SORCS3: variants seen among roughly 807,000 people sequenced by gnomAD.
SORCS3 encodes VPS10 domain-containing receptor SorCS3.
A neutral mutation model predicts 146.3 loss-of-function variants in SORCS3; 57 were observed. The observed-to-expected ratio is 0.39, with a 90% CI of 0.31 to 0.49. SORCS3 has a LOEUF of 0.49. SORCS3 is among the 20% of genes least tolerant of loss of function. The pLI is 0.92. For missense variants in SORCS3, 1,341 were observed against 1,575.5 expected (o/e 0.85, Z 2.52); for synonymous variants, 653 against 618.5 (o/e 1.06, Z -0.83).
rs1250616500 is a variant in SORCS3 at position 104,794,601 on chromosome 10, G to A, written c.628-48191G>A. 1.2e-4 allele frequency among the ~76,000 whole-genome samples: 17 copies of A among 142,056 alleles called. 1 individual carries two copies. In the Admixed American group the frequency reaches 1.3e-3, roughly 10 times the overall value. The allele number at this position is 142,056 out of a possible 152,430, so 93.2% of individuals were successfully genotyped here. ...CAAGGTAGATAGGGTGTGTGTGTGT[G>A]TGTGAGAGAGAGAGAGGGAGGGAGA... is the stretch of plus-strand genomic sequence containing the variant. On this transcript the variant is annotated intron_variant, in intron 1 of 26. Transcript: ENST00000369701.
chr10:105,103,785 A>G (rs991580594), intron 6 of SORCS3, among the ~76,000 whole-genome samples: 1 of 152,220 alleles, frequency 6.6e-6, no homozygotes, highest in African/African-American at 2.4e-5. Context: ...CATTCAAGAA[A>G]TAGTTATATA....
chr10:104,823,247 C>T (rs1004275349), intron 1 of SORCS3, among the ~76,000 whole-genome samples: 1 of 152,104 alleles, frequency 6.6e-6, no homozygotes, highest in Non-Finnish European at 1.5e-5. Context: ...AAGTTGGAAA[C>T]CACCGCAACC....
At chr10:105,140,436 A>G (rs1273767835) in intron 8 of SORCS3, among the ~76,000 whole-genome samples, 1 of 152,158 alleles carries the variant, frequency 6.6e-6, no homozygotes, top group Non-Finnish European at 1.5e-5. Flanking sequence ...ATAAGGCACA[A>G]ATGGTCCCTG....
intron 1 of SORCS3, among the ~76,000 whole-genome samples, chr10:104,677,499 A>G (rs947726229): frequency 6.6e-6 from 1 of 152,232 alleles, no homozygotes; most frequent in Admixed American, 6.5e-5. Context: ...AACATTAGCC[A>G]GCCTGTCGCA....
At chr10:105,210,944 A>G (rs2056629572) in intron 16 of SORCS3, among the ~76,000 whole-genome samples, 193 bp from the exon 17 acceptor site, 1 of 152,180 alleles carries the variant, frequency 6.6e-6, no homozygotes, top group Non-Finnish European at 1.5e-5. Context: ...CTGGACTCCA[A>G]ATGATTTGGA....
At chr10:104,794,595 G>A (rs2017529969) in intron 1 of SORCS3, among the ~76,000 whole-genome samples, 1 of 142,872 alleles carries the variant, frequency 7.0e-6, no homozygotes, top group Admixed American at 7.3e-5. Flanking sequence ...TAGGGTGTGT[G>A]TGTGTGTGTG....
intron 15 of SORCS3, among the ~76,000 whole-genome samples, chr10:105,200,653 C>A (rs1564783227): frequency 6.6e-6 from 1 of 152,242 alleles, no homozygotes; most frequent in South Asian, 2.1e-4. Flanking sequence ...TTTCTTTGTT[C>A]TTGACTGGGA....
At chr10:104,811,978 C>G (rs1159965924) in intron 1 of SORCS3, among the ~76,000 whole-genome samples, 1 of 151,970 alleles carries the variant, frequency 6.6e-6, no homozygotes, top group Non-Finnish European at 1.5e-5. Context: ...ACGTGTGCCC[C>G]ATACATTTAT....
chr10:104,859,521 G>A (rs1030292460), intron 2 of SORCS3, among the ~76,000 whole-genome samples: 1 of 152,204 alleles, frequency 6.6e-6, no homozygotes, highest in African/African-American at 2.4e-5. Context: ...AGGACTTCAT[G>A]TCTAAAACAC....
intron 4 of SORCS3, among the ~76,000 whole-genome samples, chr10:105,007,780 T>A (rs2055106378): frequency 6.6e-6 from 1 of 152,084 alleles, no homozygotes; most frequent in Non-Finnish European, 1.5e-5. Context: ...GCAGGGTTGT[T>A]TGTGCTGGGC....
chr10:105,039,324 A>G (rs1463166687), intron 4 of SORCS3, among the ~76,000 whole-genome samples: 1 of 152,124 alleles, frequency 6.6e-6, no homozygotes, highest in Non-Finnish European at 1.5e-5. Flanking sequence ...AGCCTCCAGG[A>G]GGATAATTCA....
At chr10:105,212,560 C>T (rs976369069) in intron 17 of SORCS3, among the ~76,000 whole-genome samples, 3 of 152,080 alleles carry the variant, frequency 2.0e-5, no homozygotes, top group Non-Finnish European at 4.4e-5. Context: ...AGGTAGACCA[C>T]ATTTTAAGCA....
chr10:104,916,239 A>G (rs752371481), intron 3 of SORCS3, among the ~76,000 whole-genome samples: 3 of 152,240 alleles, frequency 2.0e-5, no homozygotes, highest in Non-Finnish European at 4.4e-5. Context: ...AGAGAAGCTC[A>G]GAGAGATGAA....
At chr10:104,968,012 C>A (rs1478972094) in intron 3 of SORCS3, among the ~76,000 whole-genome samples, 1 of 152,064 alleles carries the variant, frequency 6.6e-6, no homozygotes, top group Non-Finnish European at 1.5e-5. Flanking sequence ...TACTTATGTG[C>A]CTGGTAGTGT....
chr10:104,812,993 C>G (rs551275671), intron 1 of SORCS3, among the ~76,000 whole-genome samples: 1 of 152,314 alleles, frequency 6.6e-6, no homozygotes, highest in South Asian at 2.1e-4. Context: ...AACTTCAAAA[C>G]ACAGGGCCTT....
At chr10:104,756,237 C>A (rs1015448014) in intron 1 of SORCS3, among the ~76,000 whole-genome samples, 1 of 152,148 alleles carries the variant, frequency 6.6e-6, no homozygotes, top group Non-Finnish European at 1.5e-5. Context: ...GGATTTACTT[C>A]TCTCCACACC....
chr10:105,075,045 A>G (rs2055580121), intron 5 of SORCS3, among the ~76,000 whole-genome samples: 1 of 152,190 alleles, frequency 6.6e-6, no homozygotes, highest in African/African-American at 2.4e-5. Context: ...GAACTTCCAC[A>G]AAACATCCTC....
At chr10:105,255,364 C>A (rs1176895807) in intron 23 of SORCS3, among the ~76,000 whole-genome samples, 1 of 151,892 alleles carries the variant, frequency 6.6e-6, no homozygotes, top group African/African-American at 2.4e-5. Flanking sequence ...GGAGATATAC[C>A]TAATGTTAAA....
chr10:104,822,715 C>CT (rs1188534614), intron 1 of SORCS3, among the ~76,000 whole-genome samples: 1 of 152,166 alleles, frequency 6.6e-6, no homozygotes, highest in African/African-American at 2.4e-5. Flanking sequence ...TCAATACGCT[C>CT]TAAGTTTTTC....
Sources: allele counts gnomAD v4.1 joint callset (sites outside exome capture counted in the v4.1 genomes callset), GRCh38; gene constraint gnomAD v4.1.1; transcripts MANE v1.5; gene names NCBI Gene and HGNC (gene_info 2026-07-23, HGNC 2026-07-21).